Variants in ATP1B3 observed in about 807,000 individuals in gnomAD.
ATP1B3 encodes ATPase Na+/K+ transporting subunit beta 3.
A neutral mutation model predicts 30.2 loss-of-function variants in ATP1B3; 10 were observed. The ratio of observed to expected loss-of-function variants is 0.33; its 90% CI spans 0.20 to 0.56. The LOEUF (loss-of-function observed/expected upper bound fraction) is 0.56, where lower values mean the gene tolerates loss of function less well. Ranked by LOEUF, ATP1B3 falls within the 20% of genes least tolerant of loss-of-function variation. The pLI is 0.90. For synonymous variants in ATP1B3, 113 were observed against 117.0 expected (o/e 0.97, Z 0.22); for missense variants, 238 against 336.7 (o/e 0.71, Z 2.29).
At chr3:141,918,406 G>T (rs1438081628) in intron 5 of ATP1B3, 2 of 152,012 alleles carry the variant, frequency 1.3e-5, no homozygotes, top group East Asian at 3.9e-4. Context: ...GCTTTAAATT[G>T]TGTAAACCTT....
intron 3 of ATP1B3, among the ~76,000 whole-genome samples, chr3:141,912,795 T>C (rs1025998764): frequency 1.3e-5 from 2 of 152,166 alleles, no homozygotes; most frequent in East Asian, 3.9e-4. Flanking sequence ...TGCATATTTC[T>C]CCTCCCTCTT....
At chr3:141,881,449 T>G (rs1015863540) in intron 1 of ATP1B3, among the ~76,000 whole-genome samples, 1 of 152,210 alleles carries the variant, frequency 6.6e-6, no homozygotes, top group Non-Finnish European at 1.5e-5. Context: ...TTCCATGAAG[T>G]GCCATTTTCT....
chr3:141,924,445 C>G (rs113164173), intron 6 of ATP1B3, among the ~76,000 whole-genome samples: 11,392 of 151,604 alleles, frequency 0.075, 471 homozygotes, highest in Middle Eastern at 0.16. Context: ...TCGAGACCAG[C>G]CTGGCCAACT....
chr3:141,889,746 A>ATAT (rs1379745968), intron 1 of ATP1B3, among the ~76,000 whole-genome samples: 1,885 of 100,954 alleles, frequency 0.019, 56 homozygotes, highest in Non-Finnish European at 0.025. Context: ...AAAAAAAAAA[A>ATAT]AAAAATATAT....
At chr3:141,878,288 T>C (rs1933645875) in intron 1 of ATP1B3, among the ~76,000 whole-genome samples, 1 of 152,258 alleles carries the variant, frequency 6.6e-6, no homozygotes, top group Non-Finnish European at 1.5e-5. Flanking sequence ...TAATCACTCA[T>C]GATTTTTATT....
chr3:141,885,922 C>T (rs1279657631), intron 1 of ATP1B3, among the ~76,000 whole-genome samples: 5 of 149,854 alleles, frequency 3.3e-5, no homozygotes, highest in African/African-American at 1.3e-4. Flanking sequence ...CACACACACA[C>T]ACCCCTGTAG....
chr3:141,906,781 C>T (rs997552987), intron 2 of ATP1B3, among the ~76,000 whole-genome samples: 5 of 152,158 alleles, frequency 3.3e-5, no homozygotes, highest in East Asian at 1.9e-4. Flanking sequence ...GACAAAAGTA[C>T]GTAGGCTTTG....
chr3:141,890,094 T>TTTTC (rs1559866297), intron 1 of ATP1B3, among the ~76,000 whole-genome samples: 1 of 135,042 alleles, frequency 7.4e-6, no homozygotes, highest in African/African-American at 2.8e-5. Flanking sequence ...TTCTTTTTTT[T>TTTTC]TTTTTTTTTT....
intron 1 of ATP1B3, among the ~76,000 whole-genome samples, chr3:141,889,406 CCAGTT>C (rs762644686): frequency 2.0e-5 from 3 of 151,646 alleles, no homozygotes; most frequent in Non-Finnish European, 4.4e-5. Flanking sequence ...AATGGAATTG[CCAGTT>C]TATAATATGT....
intron 5 of ATP1B3, chr3:141,919,109 A>G (rs1444497365): frequency 1.3e-5 from 2 of 151,962 alleles, no homozygotes; most frequent in East Asian, 3.9e-4. Context: ...CATAATTGCA[A>G]TTTTCTATTA....
chr3:141,895,287 C>T (rs1183556674), intron 1 of ATP1B3, among the ~76,000 whole-genome samples: 3 of 150,130 alleles, frequency 2.0e-5, no homozygotes, highest in Non-Finnish European at 4.4e-5. Context: ...CTCCCGTGTT[C>T]AAGCAATTCT....
At chr3:141,904,004 G>A (rs143927090) in intron 2 of ATP1B3, among the ~76,000 whole-genome samples, 1,791 of 152,176 alleles carry the variant, frequency 0.012, 32 homozygotes, top group African/African-American at 0.041. Flanking sequence ...GGCTGGTCTC[G>A]AACTCCCGAC....
intron 1 of ATP1B3, chr3:141,902,190 C>T: frequency 7.8e-7 from 1 of 1,289,752 alleles, no homozygotes; most frequent in Non-Finnish European, 1.0e-6. Context: ...TCCTGTTCTC[C>T]TCTCTTCTGT....
intron 3 of ATP1B3, 127 bp downstream of exon 3, chr3:141,907,401 C>T: frequency 1.6e-6 from 1 of 617,712 alleles, no homozygotes; most frequent in Non-Finnish European, 2.6e-6. Flanking sequence ...GGGCAGATCA[C>T]CTGAGGTTAG....
chr3:141,913,271 C>T (rs1467483329), intron 3 of ATP1B3, among the ~76,000 whole-genome samples: 2 of 151,674 alleles, frequency 1.3e-5, no homozygotes, highest in Non-Finnish European at 2.9e-5. Context: ...TTTATACTCA[C>T]TTAATGACTC....
At chr3:141,885,872 T>G (rs1253359747) in intron 1 of ATP1B3, among the ~76,000 whole-genome samples, 2 of 143,056 alleles carry the variant, frequency 1.4e-5, no homozygotes, top group Non-Finnish European at 3.0e-5. Flanking sequence ...TTTTATCTGC[T>G]GCGTTAAAAC....
chr3:141,923,588 T>C (rs1934605136), intron 6 of ATP1B3, among the ~76,000 whole-genome samples: 1 of 152,222 alleles, frequency 6.6e-6, no homozygotes, highest in Non-Finnish European at 1.5e-5. Context: ...AGTAGTACAG[T>C]TAACAAAGGA....
rs758823789 is a variant in ATP1B3 at position 141,876,777 on chromosome 3, T to G, written c.-25T>G. On this transcript the variant is annotated 5_prime_UTR_variant, in exon 1 of 7. Transcript: ENST00000286371. ...CCGCCTCCATCCCCGCGGCCGCAGC[T>G]CCTCTCGCCGTCCGCGCGCACACCA... 8.2e-6 allele frequency: 13 copies of G among 1,575,778 alleles called. No individual in the cohort carries two copies. In the South Asian group the frequency reaches 9.0e-5, roughly 11 times the overall value.
In ATP1B3 at chr3:141,888,100, CTGA is replaced by C. The variant is rs1434085335; in HGVS notation, c.109+11193_109+11195del. Among the ~76,000 whole-genome samples the C allele has an allele frequency of 2.0e-5, 3 of 152,314 alleles. No homozygotes were observed. In the East Asian group the frequency reaches 5.8e-4, roughly 29 times the overall value. On this transcript the variant is annotated intron_variant, in intron 1 of 6. Coordinates refer to ENST00000286371, the MANE Select transcript of ATP1B3 (RefSeq NM_001679.4). ...GTTAATACGCATGCTGAATTGTTCT[CTGA>C]TGTTTGCAACTTGAATCTTTAAAAT... is the stretch of plus-strand genomic sequence containing the variant.
Sources: allele counts gnomAD v4.1 joint callset (sites outside exome capture counted in the v4.1 genomes callset), GRCh38; gene constraint gnomAD v4.1.1; transcripts MANE v1.5; gene names NCBI Gene and HGNC (gene_info 2026-07-23, HGNC 2026-07-21).